ITFG1: variants seen among roughly 807,000 people sequenced by gnomAD.
ITFG1 encodes the protein integrin alpha FG-GAP repeat containing 1.
In ITFG1, 34 loss-of-function variants were observed where a neutral mutation model predicts 81.8. The ratio of observed to expected loss-of-function variants is 0.42; its 90% CI spans 0.32 to 0.55. The LOEUF (loss-of-function observed/expected upper bound fraction) is 0.55. ITFG1 is among the 20% of genes least tolerant of loss of function. ITFG1 has a pLI of 0.17. For synonymous variants in ITFG1, 285 were observed against 270.6 expected, an observed-to-expected ratio of 1.05 and a Z score of -0.52; for missense variants, 672 against 755.4, an observed-to-expected ratio of 0.89 and a Z score of 1.29.
intron 8 of ITFG1, among the ~76,000 whole-genome samples, chr16:47,340,573 A>G (rs1476407071): frequency 6.6e-6 from 1 of 152,204 alleles, no homozygotes; most frequent in Non-Finnish European, 1.5e-5. Flanking sequence ...AAAACCATTC[A>G]CTACAAATCA....
chr16:47,405,634 T>C (rs1968718636), intron 6 of ITFG1, among the ~76,000 whole-genome samples: 1 of 152,170 alleles, frequency 6.6e-6, no homozygotes, highest in Non-Finnish European at 1.5e-5. Context: ...TTTTACAATA[T>C]GTGTACTGGG....
intron 8 of ITFG1, among the ~76,000 whole-genome samples, chr16:47,316,117 A>G (rs1043186045): frequency 6.6e-6 from 1 of 152,148 alleles, no homozygotes; most frequent in African/African-American, 2.4e-5. Context: ...TTTAGGTGAA[A>G]TGACAGAAAT....
intron 12 of ITFG1, among the ~76,000 whole-genome samples, chr16:47,247,094 A>G (rs972592733): frequency 6.6e-6 from 1 of 152,136 alleles, no homozygotes; most frequent in Non-Finnish European, 1.5e-5. Flanking sequence ...TAGTTTTCTT[A>G]TAAGAAAAAA....
chr16:47,461,026 A>G lies in ITFG1; in HGVS notation c.20T>C (p.Leu7Pro), dbSNP rs1425075723. The stretch of plus-strand genomic sequence containing the variant: ...CGAGAAGAGGGCCCAGGAGCTCGGG[A>G]GCCGGCCCGCCGCCGCCATGGCAGC... MAAAGR[L>P]PSSWALFSPL... is the part of the protein sequence containing the mutation. Residue 7 changes from leucine (L) to proline (P), a missense_variant, in exon 1 of 18, where the codon CTC becomes CCC. By Grantham distance (98) the Leu-to-Pro change is moderately conservative. This residue lies in a region of ITFG1 where 47 missense variants were observed against 26.4 expected (regional missense o/e 1.78). Coordinates refer to ENST00000320640, the MANE Select transcript of ITFG1 (RefSeq NM_030790.5). 10 of 1,542,856 alleles carry G rather than the reference A, an allele frequency of 6.5e-6. No individual in the cohort carries two copies. Among genetic ancestry groups the G allele is most frequent in the Non-Finnish European group, 8.7e-6 (10 of 1,146,264 alleles).
At chr16:47,388,441 T>G (rs550059507) in intron 6 of ITFG1, among the ~76,000 whole-genome samples, 38 of 152,158 alleles carry the variant, frequency 2.5e-4, no homozygotes, top group African/African-American at 8.9e-4. Context: ...AAGAAAATTT[T>G]TGAAAGAAGC....
At chr16:47,400,303 T>G (rs1405104224) in intron 6 of ITFG1, among the ~76,000 whole-genome samples, 1 of 152,160 alleles carries the variant, frequency 6.6e-6, no homozygotes, top group Admixed American at 6.5e-5. Flanking sequence ...GTGGGGGAAC[T>G]GCTTGAGTTC....
chr16:47,217,058 G>A (rs1596813840), intron 14 of ITFG1, among the ~76,000 whole-genome samples: 1 of 151,808 alleles, frequency 6.6e-6, no homozygotes, highest in South Asian at 2.1e-4. Context: ...AGTAGCTATT[G>A]TATCTTTATA....
At chr16:47,280,601 G>A (rs939708162) in intron 10 of ITFG1, among the ~76,000 whole-genome samples, 1 of 152,064 alleles carries the variant, frequency 6.6e-6, no homozygotes, top group Admixed American at 6.6e-5. Context: ...ACTCATAACA[G>A]GCCCTTCCAA....
intron 6 of ITFG1, among the ~76,000 whole-genome samples, chr16:47,399,800 C>T (rs1968637666): frequency 6.6e-6 from 1 of 151,820 alleles, no homozygotes; most frequent in Non-Finnish European, 1.5e-5. Context: ...GGGTTGAAGG[C>T]CATATATAAT....
chr16:47,269,594 T>C (rs933607309), intron 10 of ITFG1, among the ~76,000 whole-genome samples: 2 of 150,104 alleles, frequency 1.3e-5, no homozygotes, highest in African/African-American at 2.4e-5. Flanking sequence ...GACCTGTACA[T>C]TGAAAACTAG....
chr16:47,420,646 A>G (rs1006919002), intron 6 of ITFG1, among the ~76,000 whole-genome samples: 6 of 152,214 alleles, frequency 3.9e-5, no homozygotes, highest in Non-Finnish European at 8.8e-5. Flanking sequence ...TGCTGTTAAA[A>G]AGAGACTGGT....
At chr16:47,218,971 A>G in intron 13 of ITFG1, 25 bp from the exon 14 acceptor site, 1 of 1,485,296 alleles carries the variant, frequency 6.7e-7, no homozygotes. Flanking sequence ...AAAAATAGTT[A>G]AGGCTTGGAA....
intron 10 of ITFG1, among the ~76,000 whole-genome samples, chr16:47,285,796 T>C (rs1456113479): frequency 1.3e-5 from 2 of 152,196 alleles, no homozygotes; most frequent in Non-Finnish European, 2.9e-5. Context: ...AAAACAGTAG[T>C]AGTCAATTCA....
intron 5 of ITFG1, among the ~76,000 whole-genome samples, chr16:47,451,027 T>G (rs1206998489): frequency 1.3e-5 from 2 of 152,186 alleles, no homozygotes; most frequent in Non-Finnish European, 2.9e-5. Flanking sequence ...GAAACAAATC[T>G]TATCAATTAA....
Position 47,459,048 on chromosome 16 carries a change from T to C in ITFG1, c.281+55A>G, listed in dbSNP as rs951781632. 5 of 1,048,102 alleles carry C rather than the reference T, an allele frequency of 4.8e-6. No individual in the cohort carries two copies. The African/African-American group carries it at 7.9e-5, about 17-fold the overall frequency. The allele number at this position is 1,048,102 out of a possible 1,614,324, so 64.9% of individuals were successfully genotyped here. On this transcript the variant is annotated intron_variant, in intron 2 of 17. Transcript: ENST00000320640. ...AAGACAACCAATCAGCTACTGCATA[T>C]CCATTATTATATTAATGACTAAAGT...
At chr16:47,298,468 G>C (rs2151558372) in intron 10 of ITFG1, among the ~76,000 whole-genome samples, 1 of 151,874 alleles carries the variant, frequency 6.6e-6, no homozygotes, top group South Asian at 2.1e-4. Flanking sequence ...TACTTTCTTT[G>C]GGGGGAAATT....
chr16:47,277,614 C>T (rs546366214), intron 10 of ITFG1, among the ~76,000 whole-genome samples: 2 of 152,202 alleles, frequency 1.3e-5, no homozygotes, highest in East Asian at 1.9e-4. Flanking sequence ...TACCTTGAAA[C>T]TTCAAAAGAA....
At chr16:47,369,868 C>G (rs989913300) in intron 7 of ITFG1, among the ~76,000 whole-genome samples, 35 of 89,964 alleles carry the variant, frequency 3.9e-4, no homozygotes, top group African/African-American at 1.3e-3. Flanking sequence ...GAGATGGAGT[C>G]TTGCTGTGTT....
chr16:47,248,189 G>A (rs1357901480), intron 12 of ITFG1, among the ~76,000 whole-genome samples: 1 of 152,096 alleles, frequency 6.6e-6, no homozygotes, highest in East Asian at 1.9e-4. Context: ...CTATCATTCT[G>A]GATTTCAGGA....
Sources: allele counts gnomAD v4.1 joint callset (sites outside exome capture counted in the v4.1 genomes callset), GRCh38; gene constraint gnomAD v4.1.1; regional missense constraint gnomAD v4.1.1; transcripts MANE v1.5; gene names NCBI Gene and HGNC (gene_info 2026-07-23, HGNC 2026-07-21).